GABRB3: variants seen among roughly 807,000 people sequenced by gnomAD.
GABRB3 encodes gamma-aminobutyric acid type A receptor subunit beta3.
In GABRB3, 14 loss-of-function variants were observed where a neutral mutation model predicts 52.1. That is an observed-to-expected ratio of 0.27 (90% CI 0.18 to 0.42). The LOEUF is 0.42. GABRB3 is among the 10% of genes least tolerant of loss of function. The pLI is 1.00. For missense variants in GABRB3, 307 were observed against 609.1 expected, an observed-to-expected ratio of 0.50 and a Z score of 5.22; for synonymous variants, 260 against 232.3, an observed-to-expected ratio of 1.12 and a Z score of -1.08.
intron 3 of GABRB3, among the ~76,000 whole-genome samples, chr15:26,707,922 A>T (rs1889157914): frequency 6.6e-6 from 1 of 152,172 alleles, no homozygotes; most frequent in Non-Finnish European, 1.5e-5. Context: ...TCAGATTTCA[A>T]ATTTTTTGGA....
intron 4 of GABRB3, among the ~76,000 whole-genome samples, chr15:26,586,425 C>CACACACACACACACAT (rs1555368912): frequency 6.6e-6 from 1 of 151,430 alleles, no homozygotes; most frequent in African/African-American, 2.4e-5. Context: ...CACACACACA[C>CACACACACACACACAT]GCATACATAC....
At chr15:26,668,811 G>A (rs1359764814) in intron 3 of GABRB3, among the ~76,000 whole-genome samples, 1 of 152,136 alleles carries the variant, frequency 6.6e-6, no homozygotes, top group African/African-American at 2.4e-5. Context: ...AAAATATCAA[G>A]TCCCATACTC....
intron 3 of GABRB3, among the ~76,000 whole-genome samples, chr15:26,771,526 C>G (rs1041603968): frequency 1.3e-5 from 2 of 152,200 alleles, no homozygotes; most frequent in Non-Finnish European, 1.5e-5. Context: ...TCCAGAGTGT[C>G]CCTCCGCAGA....
chr15:26,700,630 TC>T, intron 3 of GABRB3, among the ~76,000 whole-genome samples: 1 of 152,346 alleles, frequency 6.6e-6, no homozygotes, highest in Non-Finnish European at 1.5e-5. Context: ...TGACCAAGTT[TC>T]CAACAATTCA....
At chr15:26,732,252 G>T (rs1889941341) in intron 3 of GABRB3, among the ~76,000 whole-genome samples, 2 of 149,900 alleles carry the variant, frequency 1.3e-5, no homozygotes, top group African/African-American at 4.9e-5. Context: ...ATGGATGGAT[G>T]AATAGATGGA....
chr15:26,743,376 C>A (rs1381672095), intron 3 of GABRB3, among the ~76,000 whole-genome samples: 3 of 152,190 alleles, frequency 2.0e-5, no homozygotes, highest in African/African-American at 7.2e-5. Flanking sequence ...CCCAGTTCCA[C>A]GAAGGCTACA....
chr15:26,623,203 A>G (rs1269398204), intron 3 of GABRB3, among the ~76,000 whole-genome samples: 1 of 152,188 alleles, frequency 6.6e-6, no homozygotes, highest in Non-Finnish European at 1.5e-5. Context: ...TGTGGAGTGC[A>G]GTTTTGCTGG....
At chr15:26,578,007 G>A (rs1341193687) in intron 6 of GABRB3, among the ~76,000 whole-genome samples, 1 of 152,122 alleles carries the variant, frequency 6.6e-6, no homozygotes. Flanking sequence ...GGCTGGGCAG[G>A]AACCCCTGGC....
chr15:26,567,650 G>T lies in GABRB3; in HGVS notation c.766C>A (p.Leu256Met). 1 of 1,614,116 alleles carries T rather than the reference G, an allele frequency of 6.2e-7. No homozygotes were observed. Among genetic ancestry groups the T allele is most frequent in the Non-Finnish European group, 8.5e-7 (1 of 1,180,012 alleles). Residue 256 changes from leucine (L) to methionine (M), a missense_variant, in exon 7 of 9, where the codon CTG becomes ATG. Transcript: ENST00000311550. ...FILQTYMPSI[L>M]ITILSWVSFW... ...GACACCCACGACAGAATCGTTATCA[G>T]TATAGAGGGCATATAAGTCTGAAGA... is the stretch of plus-strand genomic sequence containing the variant.
intron 3 of GABRB3, among the ~76,000 whole-genome samples, chr15:26,761,698 T>C (rs556468191): frequency 6.6e-6 from 1 of 152,208 alleles, no homozygotes; most frequent in African/African-American, 2.4e-5. Flanking sequence ...AGGAGGAATC[T>C]CCAGGTATCC....
chr15:26,583,614 A>G (rs1890867056), intron 4 of GABRB3, among the ~76,000 whole-genome samples, 200 bp from the exon 5 acceptor site: 1 of 145,226 alleles, frequency 6.9e-6, no homozygotes, highest in Admixed American at 6.8e-5. Flanking sequence ...TTTATCAAGG[A>G]AAAAAAAAAC....
At chr15:26,658,828 G>A (rs989924778) in intron 3 of GABRB3, 2 of 152,170 alleles carry the variant, frequency 1.3e-5, no homozygotes, top group Admixed American at 6.5e-5. Flanking sequence ...CAAACATTCT[G>A]GAACTGCTAT....
intron 3 of GABRB3, among the ~76,000 whole-genome samples, chr15:26,649,067 C>A (rs1392590980): frequency 6.6e-6 from 1 of 152,002 alleles, no homozygotes; most frequent in African/African-American, 2.4e-5. Flanking sequence ...CTACTTCTCT[C>A]GCGCTGTTTT....
At chr15:26,753,538 C>A (rs1479370129) in intron 3 of GABRB3, among the ~76,000 whole-genome samples, 1 of 152,142 alleles carries the variant, frequency 6.6e-6, no homozygotes, top group Non-Finnish European at 1.5e-5. Context: ...TTCAGGAGAC[C>A]TGGTTATTGA....
At chr15:26,616,045 G>C in intron 4 of GABRB3, 1 of 1,289,130 alleles carries the variant, frequency 7.8e-7, no homozygotes. Context: ...CCTCCTCCAG[G>C]CCAGGGCCAT....
chr15:26,560,740 C>G (rs1283893245), intron 8 of GABRB3, among the ~76,000 whole-genome samples, 192 bp downstream of exon 8: 1 of 152,190 alleles, frequency 6.6e-6, no homozygotes, highest in African/African-American at 2.4e-5. Flanking sequence ...CAGGACTCCA[C>G]TGGACTGGTT....
At chr15:26,554,176 G>GTATATATATATATA (rs71130258) in intron 8 of GABRB3, among the ~76,000 whole-genome samples, 7 of 27,344 alleles carry the variant, frequency 2.6e-4, no homozygotes, top group South Asian at 1.7e-3. Context: ...TATATATAAA[G>GTATATATATATATA]TATATATATA....
At chr15:26,586,437 C>A (rs193026074) in intron 4 of GABRB3, among the ~76,000 whole-genome samples, 1 of 149,684 alleles carries the variant, frequency 6.7e-6, no homozygotes, top group Non-Finnish European at 1.5e-5. Flanking sequence ...CATACATACA[C>A]ATAAACATGC....
rs1157695021 is a variant in GABRB3, at chr15:26,629,065, C to T, written c.241-7531G>A. On this transcript the variant is annotated intron_variant, in intron 3 of 8. Coordinates refer to ENST00000311550, the MANE Select transcript of GABRB3 (RefSeq NM_000814.6). ...AGGTCCCAAAGACTCCGAGAGCCTC[C>T]GCCACGCTAACCGGAAGTTGTGACT... 6 of 1,535,984 alleles carry T rather than the reference C, an allele frequency of 3.9e-6. No homozygotes were observed. The South Asian group carries it at 4.8e-5, about 12-fold the overall frequency.
Sources: gnomAD v4.1 joint callset for allele counts (sites outside exome capture counted in the v4.1 genomes callset) on GRCh38, gnomAD v4.1.1 for gene constraint, MANE v1.5 for transcripts, NCBI Gene and HGNC (gene_info 2026-07-23, HGNC 2026-07-21) for gene names.